Variants in CA5B observed in about 807,000 individuals in gnomAD.
CA5B encodes the protein carbonic anhydrase 5B, mitochondrial.
A neutral mutation model predicts 23.1 loss-of-function variants in CA5B; 15 were observed. The observed-to-expected ratio is 0.65, with a 90% confidence interval of 0.43 to 1.00. The LOEUF (loss-of-function observed/expected upper bound fraction) is 1.00, where lower values mean the gene tolerates loss of function less well. CA5B is among the 50% of genes least tolerant of loss of function. The probability of loss-of-function intolerance (pLI) is 0.00; values close to 1 mark genes in which losing one functional copy is unlikely to be tolerated. For synonymous variants in CA5B, 84 were observed against 98.5 expected (o/e 0.85, Z 0.87); for missense variants, 236 against 252.2 (o/e 0.94, Z 0.43).
At chrX:15,754,447 A>T (rs1931450590) in intron 2 of CA5B, among the ~76,000 whole-genome samples, 1 of 112,675 alleles carries the variant, frequency 8.9e-6, no homozygotes, top group Non-Finnish European at 1.9e-5. Flanking sequence ...ATTTCAGGTC[A>T]GCCCTGTGCT....
chrX:15,776,870 G>T lies in CA5B; in HGVS notation c.774+1G>T. ...ACCAGTAGAGGTTGATCATGATCAG[G>T]TATGTTCTCTCCATAATTTCAATCT... is the stretch of plus-strand genomic sequence containing the variant. On this transcript the variant is annotated splice_donor_variant, in intron 7 of 7. Coordinates refer to ENST00000318636, the MANE Select transcript of CA5B (RefSeq NM_007220.4). LOFTEE classifies it high-confidence loss of function. 8.3e-7 allele frequency: 1 copy of T among 1,202,143 alleles called. No individual in the cohort carries two copies. Among genetic ancestry groups the T allele is most frequent in the South Asian group, 1.8e-5 (1 of 56,526 alleles).
intron 6 of CA5B, among the ~76,000 whole-genome samples, chrX:15,776,472 C>T (rs1931932917): frequency 9.0e-6 from 1 of 111,467 alleles, no homozygotes; most frequent in African/African-American, 3.3e-5. Context: ...ATTGAGAGAT[C>T]AAGTGGTTTT....
Position 15,774,416 on chromosome X carries a change from T to A in CA5B, c.555+19T>A, listed in dbSNP as rs1931879935. 1 of 800,460 alleles carries A rather than the reference T, an allele frequency of 1.2e-6. No homozygotes were observed. The highest frequency in any genetic ancestry group is 1.9e-6 in the Non-Finnish European group (1 of 539,833). The allele number at this position is 800,460 out of a possible 1,213,427, so 66.0% of individuals were successfully genotyped here. A position where few individuals can be genotyped will look rare whatever the true frequency, so the allele number is the denominator to read the frequency against. ...TTTAAAGGTAAAATATCTCACCAAC[T>A]TTAAATGACGTGTTGTATTCTAGGA... On this transcript the variant is annotated intron_variant, in intron 5 of 7. Transcript: ENST00000318636.
At chrX:15,770,710 A>G (rs1367098838) in intron 3 of CA5B, among the ~76,000 whole-genome samples, 1 of 97,665 alleles carries the variant, frequency 1.0e-5, no homozygotes, top group East Asian at 3.6e-4. Context: ...CAGCTGCTTG[A>G]CAGTCTATTT....
intron 3 of CA5B, chrX:15,769,387 A>T (rs1237092962): frequency 1.8e-6 from 1 of 541,979 alleles, no homozygotes. Flanking sequence ...GAATGAGTGC[A>T]TATAAGAGAG....
At chrX:15,758,755 A>G (rs932914608) in intron 2 of CA5B, among the ~76,000 whole-genome samples, 1 of 111,225 alleles carries the variant, frequency 9.0e-6, no homozygotes, top group East Asian at 2.8e-4. Context: ...TGATCTGCCC[A>G]CCTTGGCCTG....
rs771261811 is a variant in CA5B, at chrX:15,782,520, A to G, written c.810A>G (p.Glu270=). The change falls in exon 8 of 8, where the codon GAA becomes GAG. Residue 270 remains glutamate (E), a synonymous_variant. Transcript: ENST00000318636. ...EQFRTLLFTS[E]GEKEKRMVDN... is the part of the protein sequence containing the mutation. The stretch of plus-strand genomic sequence containing the variant: ...TTCGGACCCTGCTTTTCACTTCCGA[A>G]GGGGAGAAAGAGAAAAGAATGGTGG... The G allele has an allele frequency of 1.7e-6, 2 of 1,210,873 alleles. No homozygotes were observed. The highest frequency in any genetic ancestry group is 4.4e-5 in the Admixed American group (2 of 45,954).
At chrX:15,769,103 A>G (rs1223370935) in intron 3 of CA5B, among the ~76,000 whole-genome samples, 2 of 111,981 alleles carry the variant, frequency 1.8e-5, no homozygotes, top group African/African-American at 6.5e-5. Context: ...GCAAGTAGAG[A>G]GAAGGGCATA....
Position 15,738,307 on chromosome X carries a change from CG to C in CA5B, c.-98del, listed in dbSNP as rs2147249571. On this transcript the variant is annotated 5_prime_UTR_variant, in exon 1 of 8. An upstream open reading frame in the 5' UTR loses its in-frame stop. Coordinates refer to ENST00000318636, the MANE Select transcript of CA5B (RefSeq NM_007220.4). ...GCCGGACGTGCAGGCTGCGGATCCCCGTAGGCGAGCGAGCGGCTAGGTTCGT... is the reference window on the plus strand; with the variant it reads ...GCCGGACGTGCAGGCTGCGGATCCCCTAGGCGAGCGAGCGGCTAGGTTCGT... The C allele has an allele frequency of 9.0e-6, 1 of 110,774 alleles. No individual in the cohort carries two copies. The highest frequency in any genetic ancestry group is 3.3e-5 in the African/African-American group (1 of 30,333). 9.1% of individuals were successfully genotyped at this position (110,774 alleles called of 1,213,427 possible). A position where few individuals can be genotyped will look rare whatever the true frequency, so the allele number is the denominator to read the frequency against.
At chrX:15,774,650 A>G (rs185180227) in intron 5 of CA5B, among the ~76,000 whole-genome samples, 129 of 111,114 alleles carry the variant, frequency 1.2e-3, no homozygotes, top group Non-Finnish European at 2.1e-3. Flanking sequence ...CCTGGCTTCC[A>G]TGGGGAAACC....
At chrX:15,774,768 G>T (rs901486586) in intron 5 of CA5B, among the ~76,000 whole-genome samples, 3 of 111,653 alleles carry the variant, frequency 2.7e-5, no homozygotes, top group Non-Finnish European at 5.7e-5. Context: ...AGCCTGGGAG[G>T]TGGAGGCTGC....
chrX:15,783,828 T>G lies in CA5B; in HGVS notation c.*1164T>G, dbSNP rs1932065580. ...AAAAAGAAAAGAAAAGAAAAAATGC[T>G]TAAAGTGCCTAGAACTTAGAATTCT... On this transcript the variant is annotated 3_prime_UTR_variant, in exon 8 of 8. Transcript: ENST00000318636. 9.3e-6 allele frequency: 1 copy of G among 107,918 alleles called. No individual in the cohort carries two copies. The highest frequency in any genetic ancestry group is 3.3e-5 in the African/African-American group (1 of 29,930). The allele number at this position is 107,918 out of a possible 1,213,427, so 8.9% of individuals were successfully genotyped here. A position where few individuals can be genotyped will look rare whatever the true frequency, so the allele number is the denominator to read the frequency against.
intron 2 of CA5B, among the ~76,000 whole-genome samples, chrX:15,751,624 CA>C (rs1237045164): frequency 9.6e-6 from 1 of 103,916 alleles, no homozygotes; most frequent in Non-Finnish European, 2.0e-5. Flanking sequence ...TTAGTGCTGA[CA>C]AAAAAAAACA....
At chrX:15,759,481 G>T (rs904444354) in intron 2 of CA5B, among the ~76,000 whole-genome samples, 1 of 111,349 alleles carries the variant, frequency 9.0e-6, no homozygotes, top group Non-Finnish European at 1.9e-5. Flanking sequence ...GGACCTTGCC[G>T]GACACCCAGT....
At chrX:15,775,015 C>T (rs1353821174) in intron 5 of CA5B, among the ~76,000 whole-genome samples, 3 of 112,732 alleles carry the variant, frequency 2.7e-5, no homozygotes, top group African/African-American at 3.2e-5. Flanking sequence ...AAGCAGGGGG[C>T]ACCTTTCACT....
intron 2 of CA5B, among the ~76,000 whole-genome samples, chrX:15,761,872 GT>G (rs1311337941): frequency 1.8e-5 from 2 of 111,942 alleles, no homozygotes; most frequent in African/African-American, 6.5e-5. Flanking sequence ...TGCTTTCTCT[GT>G]TGAAAACCAC....
intron 2 of CA5B, 199 bp downstream of exon 2, chrX:15,750,364 C>T (rs1047212150): frequency 8.8e-6 from 3 of 340,031 alleles, no homozygotes; most frequent in East Asian, 8.7e-5. Context: ...GGATTATATG[C>T]CTTATGAACT....
intron 2 of CA5B, among the ~76,000 whole-genome samples, chrX:15,763,432 A>G (rs1931644045): frequency 8.9e-6 from 1 of 112,547 alleles, no homozygotes; most frequent in Non-Finnish European, 1.9e-5. Flanking sequence ...TCCACATGGC[A>G]CCAAACTCCA....
Position 15,776,799 on chromosome X carries a change from C to T in CA5B, c.704C>T (p.Thr235Ile), listed in dbSNP as rs988259634. The T allele has an allele frequency of 1.1e-5, 13 of 1,206,615 alleles. No individual in the cohort carries two copies. In the African/African-American group the frequency reaches 2.1e-4, roughly 19 times the overall value. The change falls in exon 7 of 8, where the codon ACT becomes ATT. Residue 235 changes from threonine to isoleucine, a missense_variant. By Grantham distance (89) the Thr-to-Ile change is moderately conservative. Coordinates refer to ENST00000318636, the MANE Select transcript of CA5B (RefSeq NM_007220.4). ...PDYWTYSGSL[T>I]TPPLSESVTW... ...TACTGGACCTACTCAGGGTCTCTGA[C>T]TACCCCACCCCTCTCCGAGTCTGTC...
Sources: gnomAD v4.1 joint callset for allele counts (sites outside exome capture counted in the v4.1 genomes callset) on GRCh38, gnomAD v4.1.1 for gene constraint, MANE v1.5 for transcripts, NCBI Gene and HGNC (gene_info 2026-07-23, HGNC 2026-07-21) for gene names.